The following LCORL variants were observed in gnomAD, a reference collection of about 807,000 sequenced individuals.
The protein encoded by LCORL is ligand-dependent nuclear receptor corepressor-like protein.
LCORL carries 41 observed loss-of-function variants against 141.8 expected under a neutral mutation model. The ratio of observed to expected loss-of-function variants is 0.29; its 90% confidence interval spans 0.23 to 0.38. LCORL has a LOEUF of 0.38. Ranked by LOEUF, LCORL falls within the 10% of genes least tolerant of loss-of-function variation. LCORL has a pLI of 1.00. For missense variants in LCORL, 1,759 were observed against 2,035.0 expected, an observed-to-expected ratio of 0.86 and a Z score of 2.61; for synonymous variants, 618 against 694.1, an observed-to-expected ratio of 0.89 and a Z score of 1.72.
intron 4 of LCORL, among the ~76,000 whole-genome samples, chr4:17,928,503 C>A (rs962290423): frequency 6.6e-6 from 1 of 152,198 alleles, no homozygotes; most frequent in Non-Finnish European, 1.5e-5. Flanking sequence ...AATCTCCATA[C>A]ATGTAGAGAA....
chr4:17,984,703 A>G (rs1361163433), intron 1 of LCORL, among the ~76,000 whole-genome samples: 1 of 152,024 alleles, frequency 6.6e-6, no homozygotes, highest in African/African-American at 2.4e-5. Flanking sequence ...AATTTTTTCA[A>G]AAAGCAACTC....
chr4:17,913,574 A>G (rs1382749074), intron 4 of LCORL, among the ~76,000 whole-genome samples: 2 of 152,240 alleles, frequency 1.3e-5, no homozygotes, highest in Middle Eastern at 3.2e-3. Flanking sequence ...TCTGTTTATT[A>G]TAAGAGTGTT....
rs1725666232 is a variant in LCORL at position 18,021,802 on chromosome 4, A to G, written c.-51T>C. The G allele has an allele frequency of 4.2e-5, 59 of 1,418,796 alleles. No homozygotes were observed. The highest frequency in any genetic ancestry group is 5.1e-5 in the Non-Finnish European group (56 of 1,094,806). 87.9% of individuals were successfully genotyped at this position (1,418,796 alleles called of 1,614,324 possible). ...TTTACATACGAGCAGCGCAGGCACGAGGCAGGGGCGCGAGCCCTCGGCGCG... is the reference window on the plus strand; with the variant it reads ...TTTACATACGAGCAGCGCAGGCACGGGGCAGGGGCGCGAGCCCTCGGCGCG... On this transcript the variant is annotated 5_prime_UTR_variant, in exon 1 of 8. Coordinates refer to ENST00000635767, the Ensembl canonical transcript of LCORL. The surrounding 1 kb of genome is among the most constrained non-coding windows in gnomAD (Gnocchi z 5.5).
At chr4:17,947,707 A>T (rs929976936) in intron 4 of LCORL, among the ~76,000 whole-genome samples, 10 of 152,086 alleles carry the variant, frequency 6.6e-5, no homozygotes, top group Middle Eastern at 6.8e-3. Flanking sequence ...AACATTTTTT[A>T]AAAAGACCAG....
chr4:17,951,655 G>C (rs941528804), intron 4 of LCORL, among the ~76,000 whole-genome samples: 1 of 152,066 alleles, frequency 6.6e-6, no homozygotes, highest in African/African-American at 2.4e-5. Flanking sequence ...GCCTGTGAGA[G>C]GTTTGGATGT....
intron 1 of LCORL, among the ~76,000 whole-genome samples, chr4:18,010,410 G>A (rs1365939487): frequency 1.3e-5 from 2 of 151,808 alleles, no homozygotes; most frequent in Non-Finnish European, 2.9e-5. Flanking sequence ...GTGTGTGTGT[G>A]TGTATATATA....
At chr4:17,975,496 T>C (rs1341086702) in intron 1 of LCORL, among the ~76,000 whole-genome samples, 1 of 151,690 alleles carries the variant, frequency 6.6e-6, no homozygotes, top group Non-Finnish European at 1.5e-5. Flanking sequence ...CCTGGGTACA[T>C]GCGAATTCTC....
At chr4:17,928,715 C>T (rs1036093954) in intron 4 of LCORL, among the ~76,000 whole-genome samples, 26 of 152,270 alleles carry the variant, frequency 1.7e-4, no homozygotes, top group Non-Finnish European at 3.2e-4. Context: ...CACTTCGACA[C>T]TGTACTGGAG....
intron 7 of LCORL, among the ~76,000 whole-genome samples, chr4:17,870,714 C>A (rs544603322): frequency 6.6e-6 from 1 of 152,264 alleles, no homozygotes; most frequent in East Asian, 1.9e-4. Context: ...CTTGTTTTCT[C>A]CCTTAGATGG....
chr4:17,988,441 T>C (rs564981812), intron 1 of LCORL, among the ~76,000 whole-genome samples: 71 of 152,250 alleles, frequency 4.7e-4, no homozygotes, highest in South Asian at 2.7e-3. Context: ...GCTTATTTTT[T>C]TATTTTATTT....
intron 1 of LCORL, among the ~76,000 whole-genome samples, chr4:17,976,417 T>C (rs994322929): frequency 1.3e-5 from 2 of 152,182 alleles, no homozygotes; most frequent in African/African-American, 2.4e-5. Flanking sequence ...TTAATAGCCA[T>C]ACCTCTTCTA....
At chr4:18,012,687 AAT>A (rs1386285174) in intron 1 of LCORL, among the ~76,000 whole-genome samples, 1 of 152,172 alleles carries the variant, frequency 6.6e-6, no homozygotes, top group Non-Finnish European at 1.5e-5. Flanking sequence ...GGGAAAAAAA[AAT>A]ACATGTAGAA....
chr4:18,008,229 A>G (rs1452305218), intron 1 of LCORL, among the ~76,000 whole-genome samples: 3 of 152,158 alleles, frequency 2.0e-5, no homozygotes, highest in Non-Finnish European at 4.4e-5. Context: ...CCATGTTCTC[A>G]TCATCAGTTG....
At chr4:18,002,398 A>T (rs1391622324) in intron 1 of LCORL, among the ~76,000 whole-genome samples, 1 of 151,930 alleles carries the variant, frequency 6.6e-6, no homozygotes, top group African/African-American at 2.4e-5. Context: ...CCCGCCTCTC[A>T]CAAAAGAAAA....
chr4:17,891,736 G>A (rs545569898), intron 5 of LCORL, among the ~76,000 whole-genome samples: 1 of 152,256 alleles, frequency 6.6e-6, no homozygotes, highest in East Asian at 1.9e-4. Context: ...TACAGATGAT[G>A]TAAATATGTT....
At chr4:17,978,156 T>G (rs1046885083) in intron 1 of LCORL, among the ~76,000 whole-genome samples, 13 of 152,230 alleles carry the variant, frequency 8.5e-5, no homozygotes, top group African/African-American at 3.1e-4. Context: ...TTACGAATCG[T>G]ATTTTTCTGC....
intron 1 of LCORL, among the ~76,000 whole-genome samples, chr4:17,975,048 T>C (rs1716685584): frequency 6.6e-6 from 1 of 152,050 alleles, no homozygotes; most frequent in Non-Finnish European, 1.5e-5. Context: ...TTATTTTCTT[T>C]CTTGATCACT....
chr4:17,882,948 T>G (rs1234768591), intron 6 of LCORL: 1 of 910,604 alleles, frequency 1.1e-6, no homozygotes, highest in Non-Finnish European at 1.3e-6. Context: ...TTTTAATAAT[T>G]AAATTTAAAT....
At chr4:17,899,535 C>A (rs1377723203) in intron 5 of LCORL, among the ~76,000 whole-genome samples, 1 of 152,054 alleles carries the variant, frequency 6.6e-6, no homozygotes, top group East Asian at 1.9e-4. Context: ...AAAATCTTGG[C>A]AGAACCTAGT....
Sources: gnomAD v4.1 joint callset for allele counts (sites outside exome capture counted in the v4.1 genomes callset) on GRCh38, gnomAD v4.1.1 for gene constraint, Gnocchi (gnomAD v3.1) non-coding constraint, MANE v1.5 for transcripts, NCBI Gene and HGNC (gene_info 2026-07-23, HGNC 2026-07-21) for gene names.